TTF2: variants seen among roughly 807,000 people sequenced by gnomAD.
TTF2 encodes the protein transcription termination factor 2, also known as RNA polymerase II termination factor.
A neutral mutation model predicts 142.4 loss-of-function variants in TTF2; 108 were observed. The observed-to-expected ratio is 0.76, with a 90% CI of 0.65 to 0.89. TTF2 has a LOEUF of 0.89. Among genes scored for constraint, TTF2 ranks in the 40% least tolerant of loss-of-function variants. TTF2 has a pLI of 0.00. For synonymous variants in TTF2, 483 were observed against 506.2 expected, an observed-to-expected ratio of 0.95 and a Z score of 0.61; for missense variants, 1,327 against 1,379.8, an observed-to-expected ratio of 0.96 and a Z score of 0.61.
chr1:117,101,023 A>G lies in TTF2; in HGVS notation c.3345-357A>G, dbSNP rs1413403377. Among the ~76,000 whole-genome samples the G allele has an allele frequency of 6.6e-6, 1 of 152,232 alleles. No individual in the cohort carries two copies. Among genetic ancestry groups the G allele is most frequent in the East Asian group, 1.9e-4 (1 of 5,196 alleles). On this transcript the variant is annotated intron_variant, in intron 22 of 22. Coordinates refer to ENST00000369466, the MANE Select transcript of TTF2 (RefSeq NM_003594.4). This position sits in a 1 kb window ranked among gnomAD's most constrained non-coding sequence, Gnocchi z 5.9. ...CACTAAGAAATACTCTACTTAAACT[A>G]GCAGAAATTTGATAACCTTTGAGGC...
Position 117,105,647 on chromosome 1 carries a change from G to A in TTF2, c.*4123G>A, listed in dbSNP as rs10801934. On this transcript the variant is annotated 3_prime_UTR_variant, in exon 23 of 23. Transcript: ENST00000369466. The surrounding 1 kb of genome is among the most constrained non-coding windows in gnomAD (Gnocchi z 4.7). The stretch of plus-strand genomic sequence containing the variant: ...CAGGAGAATCACTTGAATCCAGGAG[G>A]CGGAGGTTACAGTGAGCTGAGATCA... 44,433 of 152,064 alleles carry A rather than the reference G, an allele frequency of 0.29. 6,925 individuals are homozygous for A. Among genetic ancestry groups the A allele is most frequent in the Admixed American group, 0.37 (5,587 of 15,276 alleles). 9.4% of individuals were successfully genotyped at this position (152,064 alleles called of 1,614,324 possible).
chr1:117,095,386 T>C lies in TTF2; in HGVS notation c.3035+19T>C. ...AAAAGAGGTAACTGCGTTTTCTCATTATCCAAGTATTGGTCATAATTATGT... is the reference window on the plus strand; with the variant it reads ...AAAAGAGGTAACTGCGTTTTCTCATCATCCAAGTATTGGTCATAATTATGT... On this transcript the variant is annotated intron_variant, in intron 19 of 22. Transcript: ENST00000369466. The C allele has an allele frequency of 6.2e-7, 1 of 1,611,668 alleles. No individual in the cohort carries two copies. The highest frequency in any genetic ancestry group is 8.5e-7 in the Non-Finnish European group (1 of 1,177,786).
Position 117,073,562 on chromosome 1 carries a change from C to A in TTF2, c.219-99C>A. On this transcript the variant is annotated intron_variant, in intron 3 of 22. Coordinates refer to ENST00000369466, the MANE Select transcript of TTF2 (RefSeq NM_003594.4). The surrounding 1 kb of genome is among the most constrained non-coding windows in gnomAD (Gnocchi z 4.4). ...TCAAGTGACCTCCCAAAGCCAGGTT[C>A]AAATAGTTGCAAGATGTTTTCTTGG... 8.2e-7 allele frequency: 1 copy of A among 1,217,344 alleles called. No individual in the cohort carries two copies. 75.4% of individuals were successfully genotyped at this position (1,217,344 alleles called of 1,614,324 possible). A position where few individuals can be genotyped will look rare whatever the true frequency, so the allele number is the denominator to read the frequency against.
Position 117,080,255 on chromosome 1 carries a change from C to T in TTF2, c.1783+606C>T, listed in dbSNP as rs1647379271. On this transcript the variant is annotated intron_variant, in intron 9 of 22. Transcript: ENST00000369466. The surrounding 1 kb of genome is among the most constrained non-coding windows in gnomAD (Gnocchi z 4.3). ...CTAACTCCTGACCTCAGGTGCTCCACCTGCCTTGGCCTTCCCAAAGTGCTG... is the reference window on the plus strand; with the variant it reads ...CTAACTCCTGACCTCAGGTGCTCCATCTGCCTTGGCCTTCCCAAAGTGCTG... Among the ~76,000 whole-genome samples, 1 of 152,096 alleles carries T rather than the reference C, an allele frequency of 6.6e-6. No individual in the cohort carries two copies. The highest frequency in any genetic ancestry group is 2.1e-4 in the South Asian group (1 of 4,822).
Position 117,079,711 on chromosome 1 carries a change from A to AC in TTF2, c.1783+62_1783+63insC. On this transcript the variant is annotated intron_variant, in intron 9 of 22. Coordinates refer to ENST00000369466, the MANE Select transcript of TTF2 (RefSeq NM_003594.4). The surrounding 1 kb of genome is among the most constrained non-coding windows in gnomAD (Gnocchi z 4.2). The stretch of plus-strand genomic sequence containing the variant: ...TGCTTAGGCATTGTGCTAAACACGT[A>AC]GTGTTGTTTCATTTATTCCTCTCAA... 6.8e-7 allele frequency: 1 copy of AC among 1,478,830 alleles called. No individual in the cohort carries two copies. Among genetic ancestry groups the AC allele is most frequent in the Non-Finnish European group, 9.5e-7 (1 of 1,056,772 alleles). The allele number at this position is 1,478,830 out of a possible 1,614,324, so 91.6% of individuals were successfully genotyped here.
chr1:117,096,161 T>G lies in TTF2; in HGVS notation c.3048T>G (p.Ser1016=), dbSNP rs749737724. The G allele has an allele frequency of 5.0e-6, 8 of 1,614,102 alleles. No homozygotes were observed. The highest frequency in any genetic ancestry group is 2.2e-5 in the South Asian group (2 of 91,078). The part of the protein sequence containing the change: ...NSASQKSVIV[S]QWTNMLKVVA... ...TTCTTCTTTCCAGTGTCATTGTCTC[T>G]CAGTGGACCAACATGCTGAAAGTTG... The change falls in exon 20 of 23, where the codon TCT becomes TCG. Residue 1016 remains serine (S), a synonymous_variant. Coordinates refer to ENST00000369466, the MANE Select transcript of TTF2 (RefSeq NM_003594.4).
At position 117,080,486 on chromosome 1, in the gene TTF2, T is replaced by C. The variant is rs1235936917; in HGVS notation, c.1783+837T>C. ...TGAATTAAAGATGTTTATGAGTACA[T>C]CTGATATATAGAGCCAGGTCATATT... On this transcript the variant is annotated intron_variant, in intron 9 of 22. Transcript: ENST00000369466. The surrounding 1 kb of genome is among the most constrained non-coding windows in gnomAD (Gnocchi z 4.3). 6.6e-6 allele frequency among the ~76,000 whole-genome samples: 1 copy of C among 152,204 alleles called. No individual in the cohort carries two copies. Among genetic ancestry groups the C allele is most frequent in the East Asian group, 1.9e-4 (1 of 5,200 alleles).
rs1045420717 is a variant in TTF2 at position 117,100,593 on chromosome 1, T to G, written c.3345-787T>G. Among the ~76,000 whole-genome samples, 1 of 152,200 alleles carries G rather than the reference T, an allele frequency of 6.6e-6. No homozygotes were observed. The highest frequency in any genetic ancestry group is 2.4e-5 in the African/African-American group (1 of 41,454). ...TGTGGACAACATGGTCAATGTGAAC[T>G]TCCTCCAATACACCATGCTCTGAAA... On this transcript the variant is annotated intron_variant, in intron 22 of 22. Transcript: ENST00000369466. The surrounding 1 kb of genome is among the most constrained non-coding windows in gnomAD (Gnocchi z 4.6).
Position 117,079,154 on chromosome 1 carries a change from T to TG in TTF2, c.1702-413dup, listed in dbSNP as rs1293620513. On this transcript the variant is annotated intron_variant, in intron 8 of 22. Coordinates refer to ENST00000369466, the MANE Select transcript of TTF2 (RefSeq NM_003594.4). The surrounding 1 kb of genome is among the most constrained non-coding windows in gnomAD (Gnocchi z 4.2). The stretch of plus-strand genomic sequence containing the variant: ...AGTCGGGAGGCTAAGGCAGGAGAAT[T>TG]GCTTGAACCTGGGAGGCGGAGGCTG... 2.6e-5 allele frequency among the ~76,000 whole-genome samples: 4 copies of TG among 152,036 alleles called. No individual in the cohort carries two copies. Among genetic ancestry groups the TG allele is most frequent in the African/African-American group, 9.7e-5 (4 of 41,418 alleles).
chr1:117,087,331 C>T lies in TTF2; in HGVS notation c.2160+809C>T, dbSNP rs150776125. 1.5e-3 allele frequency among the ~76,000 whole-genome samples: 236 copies of T among 152,282 alleles called. No homozygotes were observed. Among genetic ancestry groups the T allele is most frequent in the African/African-American group, 5.5e-3 (230 of 41,564 alleles). On this transcript the variant is annotated intron_variant, in intron 12 of 22. Transcript: ENST00000369466. This position sits in a 1 kb window ranked among gnomAD's most constrained non-coding sequence, Gnocchi z 4.8. Reference sequence around the variant, plus strand: ...TATTTGAGGCAGAATCTCACTCTGTCGCCCAGGATGGAGTGCATGGTGCGA... The same window carrying T: ...TATTTGAGGCAGAATCTCACTCTGTTGCCCAGGATGGAGTGCATGGTGCGA...
In TTF2 at chr1:117,076,281, T is replaced by C; in HGVS notation, c.1377T>C (p.Leu459=). The C allele has an allele frequency of 6.2e-7, 1 of 1,613,842 alleles. No homozygotes were observed. Among genetic ancestry groups the C allele is most frequent in the Non-Finnish European group, 8.5e-7 (1 of 1,179,800 alleles). Residue 459 remains leucine (L), a synonymous_variant, in exon 6 of 23, where the codon CTT becomes CTC. Transcript: ENST00000369466. The surrounding 1 kb of genome is among the most constrained non-coding windows in gnomAD (Gnocchi z 4.6). Reference sequence around the variant, plus strand: ...AGGAAGTACTCAGTGGTCTTACCCTTTCCCCAGAGCAAGGTAAAGTGGCTT... The same window carrying C: ...AGGAAGTACTCAGTGGTCTTACCCTCTCCCCAGAGCAAGGTAAAGTGGCTT... ...ELEEVLSGLT[L]SPEQGTNEKS...
intron 15 of TTF2, 30 bp from the exon 16 acceptor site, chr1:117,091,298 T>C: frequency 6.3e-7 from 1 of 1,592,968 alleles, no homozygotes; most frequent in Non-Finnish European, 8.5e-7. Context: ...CCATTATACA[T>C]GCATTTTTTT....
chr1:117,101,339 G>C lies in TTF2; in HGVS notation c.3345-41G>C, dbSNP rs1649562868. ...ATATATTATTAGATGTGCTGCTTAG[G>C]GTTTTTGATAGTTTGCTTATTTTTT... On this transcript the variant is annotated intron_variant, in intron 22 of 22. Transcript: ENST00000369466. The surrounding 1 kb of genome is among the most constrained non-coding windows in gnomAD (Gnocchi z 5.9). 1.3e-6 allele frequency: 2 copies of C among 1,540,052 alleles called. No homozygotes were observed. The highest frequency in any genetic ancestry group is 2.5e-5 in the South Asian group (2 of 79,342).
At position 117,088,940 on chromosome 1, in the gene TTF2, C is replaced by T. The variant is rs775238256; in HGVS notation, c.2300C>T (p.Thr767Ile). Residue 767 changes from threonine to isoleucine, a missense_variant, in exon 13 of 23, where the codon ACC (threonine) becomes ATC (isoleucine). Coordinates refer to ENST00000369466, the MANE Select transcript of TTF2 (RefSeq NM_003594.4). Reference sequence around the variant, plus strand: ...TGTGCCCGTTGGGCTGTCACTGGAACCCCCATTCAAAACAACTTATTGGAT... The same window carrying T: ...TGTGCCCGTTGGGCTGTCACTGGAATCCCCATTCAAAACAACTTATTGGAT... The part of the protein sequence containing the change: ...QACARWAVTG[T>I]PIQNNLLDMY... The T allele has an allele frequency of 2.9e-5, 46 of 1,612,932 alleles. No individual in the cohort carries two copies. Among genetic ancestry groups the T allele is most frequent in the African/African-American group, 5.3e-5 (4 of 74,830 alleles).
intron 2 of TTF2, among the ~76,000 whole-genome samples, chr1:117,060,817 C>T (rs1411736704): frequency 1.3e-5 from 2 of 152,160 alleles, no homozygotes; most frequent in South Asian, 2.1e-4. Context: ...ATTGAGGATC[C>T]GGTGTTTTCC....
rs1004525640 is a variant in TTF2 at position 117,107,149 on chromosome 1, G to C, written c.*5625G>C. On this transcript the variant is annotated 3_prime_UTR_variant, in exon 23 of 23. Transcript: ENST00000369466. ...CACTCTTTTTTTGCCTCACCTTGGAGTCTTGGGCTCTGTTGATCACTGACT... is the reference window on the plus strand; with the variant it reads ...CACTCTTTTTTTGCCTCACCTTGGACTCTTGGGCTCTGTTGATCACTGACT... 5 of 152,182 alleles carry C rather than the reference G, an allele frequency of 3.3e-5. No homozygotes were observed. Among genetic ancestry groups the C allele is most frequent in the African/African-American group, 9.7e-5 (4 of 41,440 alleles). The allele number at this position is 152,182 out of a possible 1,614,324, so 9.4% of individuals were successfully genotyped here.
At position 117,091,376 on chromosome 1, in the gene TTF2, A is replaced by G; in HGVS notation, c.2637A>G (p.Gln879=). Residue 879 remains glutamine (Q), a synonymous_variant, in exon 16 of 23, where the codon CAA becomes CAG. Transcript: ENST00000369466. ...AAAGACATGAAAGTAGAGGCAACCAATCTGGAAGAAGCCCTAATAATCCAT... is the reference window on the plus strand; with the variant it reads ...AAAGACATGAAAGTAGAGGCAACCAGTCTGGAAGAAGCCCTAATAATCCAT... ...YLKRHESRGN[Q]SGRSPNNPFS... 9 of 1,613,584 alleles carry G rather than the reference A, an allele frequency of 5.6e-6. No individual in the cohort carries two copies. Among genetic ancestry groups the G allele is most frequent in the East Asian group, 4.5e-5 (2 of 44,828 alleles).
Position 117,075,548 on chromosome 1 carries a change from G to A in TTF2, c.964G>A (p.Val322Met), listed in dbSNP as rs766506572. The A allele has an allele frequency of 8.7e-6, 14 of 1,614,156 alleles. No homozygotes were observed. In the South Asian group the frequency reaches 1.4e-4, roughly 16 times the overall value. The change falls in exon 5 of 23, where the codon GTG becomes ATG. Residue 322 changes from valine to methionine, a missense_variant. Coordinates refer to ENST00000369466, the MANE Select transcript of TTF2 (RefSeq NM_003594.4). This position sits in a 1 kb window ranked among gnomAD's most constrained non-coding sequence, Gnocchi z 4.5. Reference protein sequence around the residue: ...HFQERPETHSVPAPGGPAAQA... With the variant: ...HFQERPETHSMPAPGGPAAQA... Reference sequence around the variant, plus strand: ...CCAAGAGCGGCCGGAGACCCACAGTGTGCCTGCTCCTGGAGGACCAGCGGC... The same window carrying A: ...CCAAGAGCGGCCGGAGACCCACAGTATGCCTGCTCCTGGAGGACCAGCGGC...
intron 12 of TTF2, 24 bp from the exon 13 acceptor site, chr1:117,088,777 G>C (rs1293208402): frequency 6.2e-7 from 1 of 1,609,076 alleles, no homozygotes; most frequent in South Asian, 1.1e-5. Flanking sequence ...TATTGTGGCT[G>C]GATTTCACTT....
Sources: gnomAD v4.1 joint callset for allele counts (sites outside exome capture counted in the v4.1 genomes callset) on GRCh38, gnomAD v4.1.1 for gene constraint, Gnocchi (gnomAD v3.1) non-coding constraint, MANE v1.5 for transcripts, NCBI Gene and HGNC (gene_info 2026-07-23, HGNC 2026-07-21) for gene names.